The following UNC13C variants were observed in gnomAD, a reference collection of about 807,000 sequenced individuals.
The protein encoded by UNC13C is protein unc-13 homolog C.
A neutral mutation model predicts 245.4 loss-of-function variants in UNC13C; 174 were observed. The observed-to-expected ratio is 0.71, with a 90% CI of 0.63 to 0.80. The LOEUF is 0.80. UNC13C is among the 30% of genes least tolerant of loss of function. UNC13C has a pLI of 0.00. For missense variants in UNC13C, 2,829 were observed against 2,602.9 expected, an observed-to-expected ratio of 1.09 and a Z score of -1.89; for synonymous variants, 992 against 895.1, an observed-to-expected ratio of 1.11 and a Z score of -1.93.
intron 2 of UNC13C, chr15:54,044,334 T>G (rs961064298): frequency 4.2e-6 from 1 of 239,952 alleles, no homozygotes; most frequent in Non-Finnish European, 8.9e-6. Context: ...CTCTATATGC[T>G]GATTGGAAAA....
chr15:54,444,230 G>A (rs145372531), intron 19 of UNC13C, among the ~76,000 whole-genome samples: 179 of 150,886 alleles, frequency 1.2e-3, no homozygotes, highest in East Asian at 8.2e-3. Context: ...GCTCAATTTC[G>A]GTTGTTGTTG....
At chr15:54,414,004 A>G (rs998412030) in intron 18 of UNC13C, among the ~76,000 whole-genome samples, 1 of 152,214 alleles carries the variant, frequency 6.6e-6, no homozygotes. Context: ...GGCTTATATT[A>G]TTAAGAGCCT....
At chr15:54,349,859 T>G (rs73415771) in intron 17 of UNC13C, among the ~76,000 whole-genome samples, 1 of 152,126 alleles carries the variant, frequency 6.6e-6, no homozygotes, top group South Asian at 2.1e-4. Flanking sequence ...TGGGTACATA[T>G]CATGGAATAT....
intron 12 of UNC13C, among the ~76,000 whole-genome samples, chr15:54,299,136 A>G (rs1436116979): frequency 6.6e-6 from 1 of 152,144 alleles, no homozygotes; most frequent in Non-Finnish European, 1.5e-5. Context: ...TTCGGGCCTT[A>G]AAGTGTGGGC....
chr15:53,889,797 T>G, the UNC13C span, among the ~76,000 whole-genome samples: 1 of 152,236 alleles, frequency 6.6e-6, no homozygotes, highest in African/African-American at 2.4e-5. Flanking sequence ...CTTTTCTGCA[T>G]CTATTGAGAT....
In UNC13C at chr15:54,627,143, A is replaced by ATAAT. The variant is rs1901227903; in HGVS notation, c.*32_*35dup. ...AACACTGCAAGCTAAATACATAACT[A>ATAAT]TAATTGTTTGACTACTGCATGCATG... On this transcript the variant is annotated 3_prime_UTR_variant, in exon 33 of 33. Transcript: ENST00000260323. 5 of 1,576,166 alleles carry ATAAT rather than the reference A, an allele frequency of 3.2e-6. No individual in the cohort carries two copies. Among genetic ancestry groups the ATAAT allele is most frequent in the Non-Finnish European group, 4.3e-6 (5 of 1,161,498 alleles).
At chr15:54,076,290 G>C (rs1278620602) in intron 2 of UNC13C, among the ~76,000 whole-genome samples, 1 of 121,874 alleles carries the variant, frequency 8.2e-6, no homozygotes, top group Non-Finnish European at 1.6e-5. Context: ...CCCAGAGTGT[G>C]ATATTCCCCT....
chr15:54,048,518 A>T (rs193054974), intron 2 of UNC13C: 6 of 564,064 alleles, frequency 1.1e-5, no homozygotes, highest in Non-Finnish European at 2.0e-5. Flanking sequence ...AAACCTTAGT[A>T]TGTGGGCCAT....
At chr15:53,923,994 G>T in the UNC13C span, among the ~76,000 whole-genome samples, 1 of 152,156 alleles carries the variant, frequency 6.6e-6, no homozygotes, top group Non-Finnish European at 1.5e-5. Context: ...ATCACCTGAG[G>T]TCGGGAGTTC....
intron 2 of UNC13C, among the ~76,000 whole-genome samples, chr15:54,039,650 C>T (rs1416259876): frequency 6.6e-6 from 1 of 151,960 alleles, no homozygotes; most frequent in Non-Finnish European, 1.5e-5. Flanking sequence ...TCTCGGTGAT[C>T]CCATTTGGTC....
At chr15:54,187,442 C>G (rs2034032128) in intron 4 of UNC13C, among the ~76,000 whole-genome samples, 1 of 111,718 alleles carries the variant, frequency 9.0e-6, no homozygotes, top group Admixed American at 1.1e-4. Flanking sequence ...AGGCCTGACC[C>G]TTCTCAATAA....
intron 30 of UNC13C, among the ~76,000 whole-genome samples, chr15:54,570,656 T>C (rs954570069): frequency 6.6e-6 from 1 of 152,164 alleles, no homozygotes; most frequent in African/African-American, 2.4e-5. Context: ...GACTGAGTAA[T>C]AAAGTTAGCC....
chr15:54,622,068 A>G (rs1365447963), intron 30 of UNC13C, among the ~76,000 whole-genome samples: 1 of 152,164 alleles, frequency 6.6e-6, no homozygotes, highest in African/African-American at 2.4e-5. Context: ...AGTTCTTTAA[A>G]CTATCATAAT....
intron 29 of UNC13C, among the ~76,000 whole-genome samples, chr15:54,561,794 T>C (rs140148578): frequency 2.6e-5 from 4 of 152,132 alleles, no homozygotes; most frequent in Non-Finnish European, 4.4e-5. Context: ...TAGTTCAAGA[T>C]TGTAGCCAGA....
intron 4 of UNC13C, among the ~76,000 whole-genome samples, chr15:54,211,060 A>G (rs2034864339): frequency 6.6e-6 from 1 of 152,150 alleles, no homozygotes; most frequent in South Asian, 2.1e-4. Context: ...GCAGCACTCT[A>G]TAGCACTTAG....
intron 17 of UNC13C, among the ~76,000 whole-genome samples, chr15:54,387,828 C>T (rs28440101): frequency 0.038 from 5,828 of 152,126 alleles, 380 homozygotes; most frequent in African/African-American, 0.13. Context: ...TCTTGCTTTC[C>T]TTTTTGTTTC....
At position 54,279,780 on chromosome 15, in the gene UNC13C, G is replaced by T. The variant is rs150287371; in HGVS notation, c.3819-14115G>T. On this transcript the variant is annotated intron_variant, in intron 10 of 32. Coordinates refer to ENST00000260323, the MANE Select transcript of UNC13C (RefSeq NM_001080534.3). ...AGAGGTCTTTTAGATGTGGGAATGT[G>T]AAGCTTTTCATTAGAATGTTTTTCT... 1.1e-4 allele frequency among the ~76,000 whole-genome samples: 17 copies of T among 152,272 alleles called. No individual in the cohort carries two copies. In the East Asian group the frequency reaches 3.3e-3, roughly 29 times the overall value.
intron 19 of UNC13C, among the ~76,000 whole-genome samples, chr15:54,481,036 T>C (rs1170752481): frequency 6.6e-6 from 1 of 152,060 alleles, no homozygotes; most frequent in East Asian, 1.9e-4. Flanking sequence ...GTAACTATAG[T>C]ATTGGTTTGG....
At chr15:54,119,336 T>A (rs1224104960) in intron 2 of UNC13C, among the ~76,000 whole-genome samples, 1 of 152,194 alleles carries the variant, frequency 6.6e-6, no homozygotes, top group Non-Finnish European at 1.5e-5. Flanking sequence ...TATTTTAATT[T>A]TTTTCATGAT....
Sources: allele counts gnomAD v4.1 joint callset (sites outside exome capture counted in the v4.1 genomes callset), GRCh38; gene constraint gnomAD v4.1.1; transcripts MANE v1.5; gene names NCBI Gene and HGNC (gene_info 2026-07-23, HGNC 2026-07-21).